Variants in ROCK1 observed in about 807,000 individuals in gnomAD.
ROCK1 encodes Rho associated coiled-coil containing protein kinase 1.
A neutral mutation model predicts 196.8 loss-of-function variants in ROCK1; 36 were observed. That is an observed-to-expected ratio of 0.18 (90% CI 0.14 to 0.24). The LOEUF (loss-of-function observed/expected upper bound fraction) is 0.24, where lower values mean the gene tolerates loss of function less well. Ranked by LOEUF, ROCK1 falls within the 10% of genes least tolerant of loss-of-function variation. ROCK1 has a pLI of 1.00. For synonymous variants in ROCK1, 443 were observed against 515.9 expected, an observed-to-expected ratio of 0.86 and a Z score of 1.91; for missense variants, 920 against 1,562.0, an observed-to-expected ratio of 0.59 and a Z score of 6.93.
chr18:20,981,164 G>A (rs978045406), intron 21 of ROCK1, among the ~76,000 whole-genome samples: 2 of 152,022 alleles, frequency 1.3e-5, no homozygotes, highest in African/African-American at 2.4e-5. Flanking sequence ...GGAGGCCGAG[G>A]CGGGCAGATC....
At chr18:21,040,853 G>A (rs1049777300) in intron 8 of ROCK1, among the ~76,000 whole-genome samples, 3 of 152,052 alleles carry the variant, frequency 2.0e-5, no homozygotes, top group South Asian at 2.1e-4. Context: ...GGCCAGGTGC[G>A]GTGGCTCACA....
chr18:21,096,696 C>T (rs1396898905), intron 1 of ROCK1, among the ~76,000 whole-genome samples: 1 of 151,886 alleles, frequency 6.6e-6, no homozygotes, highest in Non-Finnish European at 1.5e-5. Context: ...GTATGATTAA[C>T]AAACAAGATA....
chr18:21,085,343 C>CACAAAAAAAAA (rs1555755607), intron 1 of ROCK1, among the ~76,000 whole-genome samples: 1 of 78,038 alleles, frequency 1.3e-5, no homozygotes, highest in Non-Finnish European at 2.3e-5. Flanking sequence ...AACCCCATTT[C>CACAAAAAAAAA]AAAAAAAAAA....
At chr18:20,960,300 T>C (rs945526644) in intron 27 of ROCK1, 94 bp from the exon 28 acceptor site, 11 of 769,352 alleles carry the variant, frequency 1.4e-5, no homozygotes, top group African/African-American at 1.1e-4. Flanking sequence ...CAACAAGCAA[T>C]TGAACACAAC....
At chr18:21,016,579 G>A (rs780969544) in intron 12 of ROCK1, among the ~76,000 whole-genome samples, 8 of 152,042 alleles carry the variant, frequency 5.3e-5, no homozygotes, top group African/African-American at 1.7e-4. Context: ...ACATTTTCAC[G>A]TGGATGTCTC....
chr18:21,086,930 T>C (rs1235070011), intron 1 of ROCK1, among the ~76,000 whole-genome samples: 3 of 152,056 alleles, frequency 2.0e-5, no homozygotes, highest in Admixed American at 6.5e-5. Context: ...TGTAAAAATA[T>C]GGGAAAAGAT....
chr18:21,091,376 G>T (rs553463154), intron 1 of ROCK1, among the ~76,000 whole-genome samples: 1 of 152,202 alleles, frequency 6.6e-6, no homozygotes, highest in African/African-American at 2.4e-5. Flanking sequence ...AGGCCGAGGT[G>T]GGTGGATCAC....
intron 22 of ROCK1, 109 bp downstream of exon 22, chr18:20,979,801 T>C: frequency 2.3e-6 from 3 of 1,290,644 alleles, no homozygotes. Context: ...CCCAATAAAC[T>C]GTGTTCTATA....
chr18:21,009,166 CTTT>C (rs59587626), intron 13 of ROCK1, among the ~76,000 whole-genome samples: 9 of 122,022 alleles, frequency 7.4e-5, no homozygotes, highest in African/African-American at 1.8e-4. Context: ...TTGAGACAGG[CTTT>C]TTTTTTTTTT....
chr18:21,004,690 G>C (rs565566474), intron 16 of ROCK1, among the ~76,000 whole-genome samples: 5 of 152,282 alleles, frequency 3.3e-5, no homozygotes, highest in Admixed American at 3.3e-4. Flanking sequence ...AGGATTTATA[G>C]AGGTAACCTA....
At position 21,000,871 on chromosome 18, in the gene ROCK1, T is replaced by C. The variant is rs921197469; in HGVS notation, c.1885+5480A>G. Among the ~76,000 whole-genome samples the C allele has an allele frequency of 4.6e-5, 7 of 152,126 alleles. 1 individual carries two copies. Among genetic ancestry groups the C allele is most frequent in the African/African-American group, 1.2e-4 (5 of 41,426 alleles). ...TTGGAAATTCCTCCAAAGTTACACA[T>C]AGAATTACAAGATGACTCAGAAATT... On this transcript the variant is annotated intron_variant, in intron 16 of 32. Coordinates refer to ENST00000399799, the MANE Select transcript of ROCK1 (RefSeq NM_005406.3).
At chr18:20,957,342 G>T (rs149155449) in intron 29 of ROCK1, among the ~76,000 whole-genome samples, 1 of 152,230 alleles carries the variant, frequency 6.6e-6, no homozygotes, top group South Asian at 2.1e-4. Context: ...CACCACCACA[G>T]GTGCAGGCTG....
chr18:20,971,305 TAC>T (rs374530206), intron 22 of ROCK1, among the ~76,000 whole-genome samples: 1 of 136,750 alleles, frequency 7.3e-6, no homozygotes, highest in African/African-American at 2.8e-5. Context: ...ATAGTAAACA[TAC>T]ACACACACAC....
At chr18:21,007,976 T>C in intron 14 of ROCK1, 83 bp downstream of exon 14, 1 of 1,004,826 alleles carries the variant, frequency 1.0e-6, no homozygotes, top group Non-Finnish European at 1.4e-6. Context: ...TAGCTTCATG[T>C]ATGTATCATG....
At chr18:21,101,246 C>T (rs1382115842) in intron 1 of ROCK1, among the ~76,000 whole-genome samples, 1 of 151,968 alleles carries the variant, frequency 6.6e-6, no homozygotes, top group Non-Finnish European at 1.5e-5. Flanking sequence ...TTTGCTATTC[C>T]CTAATGAAAT....
intron 9 of ROCK1, among the ~76,000 whole-genome samples, chr18:21,033,853 C>CAAAAAA (rs1568389602): frequency 4.8e-5 from 1 of 20,660 alleles, no homozygotes; most frequent in Non-Finnish European, 7.0e-5. Flanking sequence ...CCCGTTTCTA[C>CAAAAAA]TAAAAAAAAA....
intron 10 of ROCK1, among the ~76,000 whole-genome samples, chr18:21,024,903 A>G (rs532660927): frequency 1.3e-4 from 20 of 152,354 alleles, no homozygotes; most frequent in Admixed American, 3.9e-4. Flanking sequence ...TCCATTGACT[A>G]CTAAGCATCT....
chr18:21,006,171 T>C (rs2035766852), intron 16 of ROCK1, among the ~76,000 whole-genome samples, 180 bp downstream of exon 16: 2 of 152,206 alleles, frequency 1.3e-5, no homozygotes, highest in South Asian at 4.1e-4. Flanking sequence ...GAAGACATTG[T>C]GCTAAGTGAA....
At chr18:20,959,352 C>T (rs1358423298) in intron 29 of ROCK1, among the ~76,000 whole-genome samples, 1 of 146,920 alleles carries the variant, frequency 6.8e-6, no homozygotes, top group African/African-American at 2.5e-5. Flanking sequence ...GCTGGGACTA[C>T]AGGCGCCTGC....
Sources: allele counts gnomAD v4.1 joint callset (sites outside exome capture counted in the v4.1 genomes callset), GRCh38; gene constraint gnomAD v4.1.1; transcripts MANE v1.5; gene names NCBI Gene and HGNC (gene_info 2026-07-23, HGNC 2026-07-21).